Variants in SFMBT2 observed in about 807,000 individuals in gnomAD.
SFMBT2 encodes the protein scm-like with four MBT domains protein 2.
A neutral mutation model predicts 110.1 loss-of-function variants in SFMBT2; 38 were observed. The ratio of observed to expected loss-of-function variants is 0.35; its 90% CI spans 0.27 to 0.45. The LOEUF is 0.45. SFMBT2 is among the 20% of genes least tolerant of loss of function. The probability of loss-of-function intolerance (pLI) is 1.00; values close to 1 mark genes in which losing one functional copy is unlikely to be tolerated. For synonymous variants in SFMBT2, 425 were observed against 425.4 expected (o/e 1.00, Z 0.01); for missense variants, 1,011 against 1,094.9 (o/e 0.92, Z 1.08).
intron 7 of SFMBT2, among the ~76,000 whole-genome samples, chr10:7,272,820 T>G (rs1255533934): frequency 6.6e-6 from 1 of 152,040 alleles, no homozygotes; most frequent in African/African-American, 2.4e-5. Context: ...TGAGACAGAG[T>G]CTTGCTCTGC....
intron 4 of SFMBT2, chr10:7,348,131 A>T: frequency 2.0e-6 from 1 of 504,974 alleles, no homozygotes. Context: ...CAAACATTTG[A>T]ACAAGAAAAG....
intron 1 of SFMBT2, among the ~76,000 whole-genome samples, chr10:7,395,392 A>C (rs1462183806): frequency 6.6e-6 from 1 of 152,212 alleles, no homozygotes; most frequent in African/African-American, 2.4e-5. Context: ...TGTCCTAATT[A>C]GGGGACTTTT....
intron 2 of SFMBT2, among the ~76,000 whole-genome samples, chr10:7,372,183 G>T (rs1033504228): frequency 2.0e-5 from 3 of 152,206 alleles, no homozygotes; most frequent in African/African-American, 7.2e-5. Flanking sequence ...CTCCCAAAGT[G>T]CTGGGATTAC....
intron 4 of SFMBT2, among the ~76,000 whole-genome samples, chr10:7,305,329 GA>G (rs1191396757): frequency 6.6e-6 from 1 of 152,170 alleles, no homozygotes; most frequent in African/African-American, 2.4e-5. Flanking sequence ...TTCTTTTACA[GA>G]AGCTTTTTCC....
intron 9 of SFMBT2, among the ~76,000 whole-genome samples, chr10:7,235,521 A>G (rs1840226043): frequency 6.9e-6 from 1 of 144,274 alleles, no homozygotes. Context: ...CACACCACAC[A>G]CTACATACCA....
At chr10:7,376,246 C>T (rs1455566643) in intron 2 of SFMBT2, among the ~76,000 whole-genome samples, 1 of 152,126 alleles carries the variant, frequency 6.6e-6, no homozygotes. Context: ...TGGGATGATG[C>T]TGTCTATGGT....
rs147542783 is a variant in SFMBT2, at chr10:7,315,112, A to G, written c.437-29158T>C. Among the ~76,000 whole-genome samples, 842 of 109,434 alleles carry G rather than the reference A, an allele frequency of 7.7e-3. 7 individuals are homozygous for G. Among genetic ancestry groups the G allele is most frequent in the Admixed American group, 8.6e-3 (102 of 11,820 alleles). 71.8% of individuals were successfully genotyped at this position (109,434 alleles called of 152,430 possible). ...AGAAAGAAAGAAAGAAAGAAAGAAA[A>G]AGCAAGCAAGCAAGCCAGCCAATCC... On this transcript the variant is annotated intron_variant, in intron 4 of 20. Transcript: ENST00000397167.
chr10:7,370,844 G>A, intron 2 of SFMBT2: 1 of 975,824 alleles, frequency 1.0e-6, no homozygotes, highest in Non-Finnish European at 1.2e-6. Context: ...CATTTTAAGG[G>A]GAAAAAGAGA....
At chr10:7,179,145 C>T (rs761324473) in intron 16 of SFMBT2, among the ~76,000 whole-genome samples, 2 of 152,002 alleles carry the variant, frequency 1.3e-5, no homozygotes, top group Non-Finnish European at 2.9e-5. Context: ...CATATCCCAG[C>T]CCCTGGGTGT....
intron 2 of SFMBT2, among the ~76,000 whole-genome samples, chr10:7,378,709 T>A (rs1333227799): frequency 7.2e-6 from 1 of 138,698 alleles, no homozygotes; most frequent in East Asian, 2.1e-4. Flanking sequence ...TGTGCATGGG[T>A]GTGTGTGGCT....
chr10:7,214,266 C>T (rs971603501), intron 11 of SFMBT2, among the ~76,000 whole-genome samples: 4 of 152,240 alleles, frequency 2.6e-5, no homozygotes, highest in Non-Finnish European at 5.9e-5. Context: ...CAGGCCACTG[C>T]AGCAGGTGAA....
intron 4 of SFMBT2, among the ~76,000 whole-genome samples, chr10:7,330,480 C>T (rs1041292658): frequency 6.6e-6 from 1 of 152,164 alleles, no homozygotes; most frequent in Admixed American, 6.5e-5. Context: ...GGGACATACA[C>T]CACCCACCCT....
chr10:7,377,346 G>A lies in SFMBT2; in HGVS notation c.100+4453C>T, dbSNP rs1845265831. ...TTTGGCACCAGGGACTGGTTTTGTG[G>A]AAGACAATTAGGCACCGGTTTTGTA... On this transcript the variant is annotated intron_variant, in intron 2 of 20. Transcript: ENST00000397167. Among the ~76,000 whole-genome samples, 5 of 152,158 alleles carry A rather than the reference G, an allele frequency of 3.3e-5. No homozygotes were observed. The South Asian group carries it at 1.0e-3, about 31-fold the overall frequency.
At chr10:7,316,077 C>A (rs1044287122) in intron 4 of SFMBT2, among the ~76,000 whole-genome samples, 1 of 152,164 alleles carries the variant, frequency 6.6e-6, no homozygotes, top group African/African-American at 2.4e-5. Flanking sequence ...ATACAAAGAC[C>A]ATGCTGAGAA....
chr10:7,342,240 G>C (rs1564448912), intron 4 of SFMBT2, among the ~76,000 whole-genome samples: 1 of 152,026 alleles, frequency 6.6e-6, no homozygotes, highest in Non-Finnish European at 1.5e-5. Flanking sequence ...CGTGAGTTTA[G>C]AGCACATTTA....
At chr10:7,260,391 C>T (rs900149919) in intron 7 of SFMBT2, among the ~76,000 whole-genome samples, 6 of 152,150 alleles carry the variant, frequency 3.9e-5, no homozygotes, top group African/African-American at 1.4e-4. Flanking sequence ...GAAATGGCCT[C>T]GGTTCTTTTC....
chr10:7,176,311 C>T, intron 16 of SFMBT2, 146 bp from the exon 17 acceptor site: 3 of 1,053,014 alleles, frequency 2.8e-6, no homozygotes, highest in South Asian at 3.3e-5. Flanking sequence ...TCTGTTATTT[C>T]TCACAGAGAT....
At chr10:7,192,699 C>T (rs1838636497) in intron 15 of SFMBT2, among the ~76,000 whole-genome samples, 1 of 152,180 alleles carries the variant, frequency 6.6e-6, no homozygotes, top group Non-Finnish European at 1.5e-5. Flanking sequence ...TCCCAAACCG[C>T]CAGGTCCCAC....
intron 10 of SFMBT2, among the ~76,000 whole-genome samples, chr10:7,225,820 G>C (rs1839883430): frequency 6.6e-6 from 1 of 152,154 alleles, no homozygotes; most frequent in Non-Finnish European, 1.5e-5. Context: ...ATTTCTCTTT[G>C]TACCTTGTCA....
Sources: allele counts gnomAD v4.1 joint callset (sites outside exome capture counted in the v4.1 genomes callset), GRCh38; gene constraint gnomAD v4.1.1; transcripts MANE v1.5; gene names NCBI Gene and HGNC (gene_info 2026-07-23, HGNC 2026-07-21).